Variants in PHYHIPL observed in about 807,000 individuals in gnomAD.
PHYHIPL encodes phytanoyl-CoA hydroxylase-interacting protein-like.
PHYHIPL carries 9 observed loss-of-function variants against 33.4 expected under a neutral mutation model. The ratio of observed to expected loss-of-function variants is 0.27; its 90% CI spans 0.16 to 0.47. PHYHIPL has a LOEUF of 0.47. PHYHIPL is among the 20% of genes least tolerant of loss of function. The probability of loss-of-function intolerance (pLI) is 0.99; values close to 1 mark genes in which losing one functional copy is unlikely to be tolerated. For missense variants in PHYHIPL, 365 were observed against 460.7 expected, an observed-to-expected ratio of 0.79 and a Z score of 1.90; for synonymous variants, 153 against 154.1, an observed-to-expected ratio of 0.99 and a Z score of 0.05.
chr10:59,234,591 G>A (rs914619516), intron 2 of PHYHIPL, 91 bp downstream of exon 2: 5 of 859,270 alleles, frequency 5.8e-6, no homozygotes, highest in Admixed American at 7.3e-5. Flanking sequence ...TTCTATTAAT[G>A]GCTTATGTGA....
intron 1 of PHYHIPL, among the ~76,000 whole-genome samples, chr10:59,192,858 G>A (rs1015941188): frequency 6.6e-6 from 1 of 152,086 alleles, no homozygotes; most frequent in South Asian, 2.1e-4. Context: ...TAAAGAGTAG[G>A]CTTGAAGACA....
intron 1 of PHYHIPL, among the ~76,000 whole-genome samples, chr10:59,224,170 T>C (rs762868980): frequency 5.3e-5 from 8 of 152,230 alleles, no homozygotes; most frequent in Non-Finnish European, 1.0e-4. Flanking sequence ...TGTTATGTTA[T>C]ATGGATAATA....
In PHYHIPL at chr10:59,245,593, G is replaced by A. The variant is rs1564463277; in HGVS notation, c.*2G>A. 1.9e-6 allele frequency: 3 copies of A among 1,581,790 alleles called. No individual in the cohort carries two copies. Among genetic ancestry groups the A allele is most frequent in the African/African-American group, 1.4e-5 (1 of 73,948 alleles). Reference sequence around the variant, plus strand: ...TGTAATATCAGTGTTGGACGTTAATGCCCACTTTTCTTATTCTTACTCAGC... The same window carrying A: ...TGTAATATCAGTGTTGGACGTTAATACCCACTTTTCTTATTCTTACTCAGC... On this transcript the variant is annotated 3_prime_UTR_variant, in exon 5 of 5. Transcript: ENST00000373880.
chr10:59,176,998 CGCGCCGAG>C, intron 1 of PHYHIPL, 39 bp downstream of exon 1: 1 of 1,574,216 alleles, frequency 6.4e-7, no homozygotes, highest in Non-Finnish European at 8.7e-7. Flanking sequence ...GGACAGAGTT[CGCGCCGAG>C]GCGCCGGGGC....
intron 1 of PHYHIPL, among the ~76,000 whole-genome samples, chr10:59,213,547 T>G (rs934244735): frequency 6.6e-6 from 1 of 152,182 alleles, no homozygotes; most frequent in Non-Finnish European, 1.5e-5. Context: ...TCTCAACTCA[T>G]GTCTAGTGAT....
At chr10:59,198,269 T>G (rs1838983005) in intron 1 of PHYHIPL, among the ~76,000 whole-genome samples, 1 of 152,078 alleles carries the variant, frequency 6.6e-6, no homozygotes, top group Admixed American at 6.5e-5. Context: ...GTTCTCATTG[T>G]TCAATTCCCA....
intron 1 of PHYHIPL, among the ~76,000 whole-genome samples, chr10:59,183,940 A>G (rs879599310): frequency 6.6e-6 from 1 of 152,228 alleles, no homozygotes; most frequent in Non-Finnish European, 1.5e-5. Context: ...CAAGGCATAA[A>G]AGATTTTTCA....
rs549977568 is a variant in PHYHIPL, at chr10:59,224,539, A to C, written c.107-9765A>C. Among the ~76,000 whole-genome samples, 221 of 152,294 alleles carry C rather than the reference A, an allele frequency of 1.5e-3. 2 individuals carry two copies. The South Asian group carries it at 0.02, about 14-fold the overall frequency. The stretch of plus-strand genomic sequence containing the variant: ...CAAAACAAAACAGAAGAGCAATTGA[A>C]CTATATATCAAAAGGGTTTAAAATA... On this transcript the variant is annotated intron_variant, in intron 1 of 4. Coordinates refer to ENST00000373880, the MANE Select transcript of PHYHIPL (RefSeq NM_032439.4).
upstream of PHYHIPL, among the ~76,000 whole-genome samples, chr10:59,174,783 A>C (rs960480258): frequency 6.6e-6 from 1 of 152,142 alleles, no homozygotes; most frequent in South Asian, 2.1e-4. Context: ...TAGGTTATAA[A>C]CCTCGTGCGT....
chr10:59,196,705 C>T (rs1252485467), intron 1 of PHYHIPL, among the ~76,000 whole-genome samples: 2 of 151,962 alleles, frequency 1.3e-5, no homozygotes, highest in Non-Finnish European at 2.9e-5. Context: ...GTGTGAGCCA[C>T]CGCGCCCGGC....
intron 4 of PHYHIPL, among the ~76,000 whole-genome samples, chr10:59,242,474 A>G (rs1055301668): frequency 6.6e-6 from 1 of 152,226 alleles, no homozygotes; most frequent in Admixed American, 6.5e-5. Context: ...CCAGAATATA[A>G]TAACATAAAA....
chr10:59,232,148 C>T (rs193298962), intron 1 of PHYHIPL, among the ~76,000 whole-genome samples: 3 of 152,040 alleles, frequency 2.0e-5, no homozygotes, highest in Admixed American at 6.6e-5. Flanking sequence ...GGGAATTGAA[C>T]AGGATGGCAC....
chr10:59,176,410 C>T (rs1838249808), upstream of PHYHIPL, among the ~76,000 whole-genome samples: 1 of 151,994 alleles, frequency 6.6e-6, no homozygotes, highest in Admixed American at 6.6e-5. Context: ...CCCGCGCGCT[C>T]GGTCGCCCGA....
intron 1 of PHYHIPL, among the ~76,000 whole-genome samples, chr10:59,201,703 TC>T (rs1243424300): frequency 6.6e-6 from 1 of 152,140 alleles, no homozygotes; most frequent in Non-Finnish European, 1.5e-5. Context: ...AATGAATCCT[TC>T]CTAATTCTAG....
intron 1 of PHYHIPL, among the ~76,000 whole-genome samples, chr10:59,227,144 T>G (rs1839948277): frequency 6.6e-6 from 1 of 152,162 alleles, no homozygotes; most frequent in Non-Finnish European, 1.5e-5. Context: ...CTATTTTCTG[T>G]TGGTATAACT....
rs116197481 is a variant in PHYHIPL, at chr10:59,205,262, G to T, written c.106+28303G>T. Among the ~76,000 whole-genome samples the T allele has an allele frequency of 9.5e-3, 1,447 of 152,232 alleles. 5 individuals are homozygous for T. Among genetic ancestry groups the T allele is most frequent in the Admixed American group, 0.021 (317 of 15,284 alleles). ...GACACTGTATTCATGTTATCCTGATGTAACAGCTTTTTCTCATGTGACATT... is the reference window on the plus strand; with the variant it reads ...GACACTGTATTCATGTTATCCTGATTTAACAGCTTTTTCTCATGTGACATT... On this transcript the variant is annotated intron_variant, in intron 1 of 4. Coordinates refer to ENST00000373880, the MANE Select transcript of PHYHIPL (RefSeq NM_032439.4).
At chr10:59,189,755 C>T (rs1838730113) in intron 1 of PHYHIPL, among the ~76,000 whole-genome samples, 1 of 151,814 alleles carries the variant, frequency 6.6e-6, no homozygotes, top group East Asian at 1.9e-4. Context: ...TTATTTCTAT[C>T]TTGAGTCTAA....
At chr10:59,196,517 G>A (rs1164211047) in intron 1 of PHYHIPL, among the ~76,000 whole-genome samples, 6 of 150,304 alleles carry the variant, frequency 4.0e-5, no homozygotes, top group East Asian at 2.0e-4. Flanking sequence ...CCGGGTTCAC[G>A]CCATTCTCCT....
intron 1 of PHYHIPL, among the ~76,000 whole-genome samples, chr10:59,194,011 C>T (rs1435111962): frequency 6.7e-6 from 1 of 149,842 alleles, no homozygotes; most frequent in South Asian, 2.1e-4. Context: ...ATTCCAAATA[C>T]AATTTAGCTA....
Sources: allele counts gnomAD v4.1 joint callset (sites outside exome capture counted in the v4.1 genomes callset), GRCh38; gene constraint gnomAD v4.1.1; transcripts MANE v1.5; gene names NCBI Gene and HGNC (gene_info 2026-07-23, HGNC 2026-07-21).